The following ATXN10 variants were observed in gnomAD, a reference collection of about 807,000 sequenced individuals.
ATXN10 encodes the protein ataxin-10.
A neutral mutation model predicts 52.9 loss-of-function variants in ATXN10; 28 were observed. The ratio of observed to expected loss-of-function variants is 0.53; its 90% CI spans 0.39 to 0.73. The LOEUF is 0.73. ATXN10 is among the 30% of genes least tolerant of loss of function. The pLI is 0.00. For missense variants in ATXN10, 565 were observed against 577.0 expected (o/e 0.98, Z 0.21); for synonymous variants, 226 against 221.5 (o/e 1.02, Z -0.18).
At chr22:45,713,652 C>A (rs978570529) in intron 5 of ATXN10, among the ~76,000 whole-genome samples, 2 of 152,186 alleles carry the variant, frequency 1.3e-5, no homozygotes, top group Admixed American at 1.3e-4. Flanking sequence ...GCTTACATTA[C>A]ATACTGAATT....
rs73173396 is a variant in ATXN10, at chr22:45,784,591, G to A, written c.1174-22368G>A. 5.8e-3 allele frequency among the ~76,000 whole-genome samples: 884 copies of A among 152,232 alleles called. 5 individuals are homozygous for A. Among genetic ancestry groups the A allele is most frequent in the Admixed American group, 8.6e-3 (131 of 15,298 alleles). On this transcript the variant is annotated intron_variant, in intron 9 of 11. Coordinates refer to ENST00000252934, the MANE Select transcript of ATXN10 (RefSeq NM_013236.4). The surrounding 1 kb of genome is among the most constrained non-coding windows in gnomAD (Gnocchi z 4.2). ...GTCAGGAGGTGTGGATGGCAGGCAC[G>A]GGAGAAGGGACAGGAGGCTGGCTTC...
At position 45,733,616 on chromosome 22, in the gene ATXN10, ATCCCAGCTACTCGGGAGGCTG is replaced by A. The variant is rs1397945003; in HGVS notation, c.894+4046_894+4066del. 1.7e-4 allele frequency among the ~76,000 whole-genome samples: 26 copies of A among 151,994 alleles called. No individual in the cohort carries two copies. Among genetic ancestry groups the A allele is most frequent in the East Asian group, 3.9e-4 (2 of 5,174 alleles). On this transcript the variant is annotated intron_variant, in intron 7 of 11. Transcript: ENST00000252934. The surrounding 1 kb of genome is among the most constrained non-coding windows in gnomAD (Gnocchi z 4.4). Reference sequence around the variant, plus strand: ...CCGGGTGTGGTGGCGGATGCCTGTAATCCCAGCTACTCGGGAGGCTGTCCCAGCTACTCGGGAGGCGGAGGC... The same window carrying A: ...CCGGGTGTGGTGGCGGATGCCTGTAATCCCAGCTACTCGGGAGGCGGAGGC...
intron 6 of ATXN10, among the ~76,000 whole-genome samples, chr22:45,721,470 C>T (rs1050730017): frequency 8.5e-5 from 13 of 152,128 alleles, no homozygotes; most frequent in African/African-American, 2.4e-4. Flanking sequence ...TGGTCACCCC[C>T]GTAAACGTGT....
chr22:45,790,384 C>T lies in ATXN10; in HGVS notation c.1174-16575C>T, dbSNP rs1412939834. Among the ~76,000 whole-genome samples, 1 of 152,090 alleles carries T rather than the reference C, an allele frequency of 6.6e-6. No homozygotes were observed. Among genetic ancestry groups the T allele is most frequent in the Non-Finnish European group, 1.5e-5 (1 of 68,028 alleles). ...GATTATCAAAACATTGCCCCCCCGC[C>T]GCCCCACACATACACCAGAGTTAGA... On this transcript the variant is annotated intron_variant, in intron 9 of 11. Coordinates refer to ENST00000252934, the MANE Select transcript of ATXN10 (RefSeq NM_013236.4). The surrounding 1 kb of genome is among the most constrained non-coding windows in gnomAD (Gnocchi z 4.7).
intron 10 of ATXN10, among the ~76,000 whole-genome samples, chr22:45,813,170 T>C (rs1209834680): frequency 6.6e-6 from 1 of 152,196 alleles, no homozygotes; most frequent in Non-Finnish European, 1.5e-5. Flanking sequence ...CATCGGAAAA[T>C]TCCAGCTCCG....
Position 45,733,905 on chromosome 22 carries a change from C to T in ATXN10, c.894+4315C>T, listed in dbSNP as rs530251331. Among the ~76,000 whole-genome samples, 17 of 150,484 alleles carry T rather than the reference C, an allele frequency of 1.1e-4. No individual in the cohort carries two copies. The South Asian group carries it at 3.5e-3, about 31-fold the overall frequency. Reference sequence around the variant, plus strand: ...ATATGTTTTTTGTTTTCATTTTTTGCACTATTCTTCAACTTGCTGTTTTTA... The same window carrying T: ...ATATGTTTTTTGTTTTCATTTTTTGTACTATTCTTCAACTTGCTGTTTTTA... On this transcript the variant is annotated intron_variant, in intron 7 of 11. Coordinates refer to ENST00000252934, the MANE Select transcript of ATXN10 (RefSeq NM_013236.4). The surrounding 1 kb of genome is among the most constrained non-coding windows in gnomAD (Gnocchi z 4.4).
Position 45,700,186 on chromosome 22 carries a change from T to C in ATXN10, c.392-96T>C, listed in dbSNP as rs184206412. On this transcript the variant is annotated intron_variant, in intron 3 of 11. Transcript: ENST00000252934. ...ATTTTTAAAAGAAGCAAGCAGAAAC[T>C]TTCTGTTTAATAACATGGAGAATAT... 563 of 935,126 alleles carry C rather than the reference T, an allele frequency of 6.0e-4. 7 individuals are homozygous for C. The African/African-American group carries it at 8.5e-3, about 14-fold the overall frequency. The allele number at this position is 935,126 out of a possible 1,614,324, so 57.9% of individuals were successfully genotyped here.
At chr22:45,693,100 G>T in intron 3 of ATXN10, 22 bp downstream of exon 3, 2 of 1,594,370 alleles carry the variant, frequency 1.3e-6, no homozygotes, top group South Asian at 1.1e-5. Flanking sequence ...TATAATTCAT[G>T]GATTATTTAT....
intron 6 of ATXN10, among the ~76,000 whole-genome samples, chr22:45,723,928 G>A (rs1924762694): frequency 6.6e-6 from 1 of 151,652 alleles, no homozygotes; most frequent in African/African-American, 2.4e-5. Flanking sequence ...CTCCAGCCTA[G>A]GTGATAGAGT....
rs1373487153 is a variant in ATXN10 at position 45,766,939 on chromosome 22, T to C, written c.1173+26401T>C. On this transcript the variant is annotated intron_variant, in intron 9 of 11. Coordinates refer to ENST00000252934, the MANE Select transcript of ATXN10 (RefSeq NM_013236.4). The surrounding 1 kb of genome is among the most constrained non-coding windows in gnomAD (Gnocchi z 4.6). ...AAAAGAAAAATGCACATTAAACTACTCACTGAGATACCATTTTTCACCTGT... is the reference window on the plus strand; with the variant it reads ...AAAAGAAAAATGCACATTAAACTACCCACTGAGATACCATTTTTCACCTGT... Among the ~76,000 whole-genome samples, 1 of 152,206 alleles carries C rather than the reference T, an allele frequency of 6.6e-6. No individual in the cohort carries two copies. The highest frequency in any genetic ancestry group is 1.5e-5 in the Non-Finnish European group (1 of 68,048).
At chr22:45,794,049 G>A (rs1927618471) in intron 9 of ATXN10, among the ~76,000 whole-genome samples, 2 of 152,208 alleles carry the variant, frequency 1.3e-5, no homozygotes, top group African/African-American at 4.8e-5. Flanking sequence ...TAGGAAAAGG[G>A]TGGCAACTCT....
chr22:45,805,646 G>C lies in ATXN10; in HGVS notation c.1174-1313G>C, dbSNP rs1284823414. 1.3e-5 allele frequency among the ~76,000 whole-genome samples: 2 copies of C among 152,190 alleles called. No homozygotes were observed. The highest frequency in any genetic ancestry group is 4.8e-5 in the African/African-American group (2 of 41,456). On this transcript the variant is annotated intron_variant, in intron 9 of 11. Coordinates refer to ENST00000252934, the MANE Select transcript of ATXN10 (RefSeq NM_013236.4). The surrounding 1 kb of genome is among the most constrained non-coding windows in gnomAD (Gnocchi z 4.4). ...CCGTTATAGGAAATGTCCAGAATAG[G>C]CAAATCCAGAGAGACAGGAAGTAGA...
At position 45,718,757 on chromosome 22, in the gene ATXN10, C is replaced by T. The variant is rs980751246; in HGVS notation, c.728+264C>T. Among the ~76,000 whole-genome samples, 1 of 152,120 alleles carries T rather than the reference C, an allele frequency of 6.6e-6. No homozygotes were observed. The highest frequency in any genetic ancestry group is 2.4e-5 in the African/African-American group (1 of 41,416). On this transcript the variant is annotated intron_variant, in intron 6 of 11. Coordinates refer to ENST00000252934, the MANE Select transcript of ATXN10 (RefSeq NM_013236.4). This position sits in a 1 kb window ranked among gnomAD's most constrained non-coding sequence, Gnocchi z 4.4. ...AAAACATTAAGAACAAAATATTATGCATATGCCTGGATTTTAGAATAGTAA... is the reference window on the plus strand; with the variant it reads ...AAAACATTAAGAACAAAATATTATGTATATGCCTGGATTTTAGAATAGTAA...
chr22:45,751,836 A>G (rs9626195), intron 9 of ATXN10, among the ~76,000 whole-genome samples: 4,127 of 113,538 alleles, frequency 0.036, 199 homozygotes, highest in African/African-American at 0.13. Flanking sequence ...GATCTTTAGC[A>G]TATTTAGTTT....
rs753387188 is a variant in ATXN10 at position 45,806,992 on chromosome 22, G to T, written c.1207G>T (p.Asp403Tyr). 1.9e-6 allele frequency: 3 copies of T among 1,613,976 alleles called. No homozygotes were observed. The South Asian group carries it at 3.3e-5, about 18-fold the overall frequency. ...NELDGIPLILDNCNISDSNPF... is the reference protein window; with the variant it reads ...NELDGIPLILYNCNISDSNPF... ...GCTGGATGGTATCCCGTTGATCCTG[G>T]ACAACTGCAACATCAGTGACAGTAA... Residue 403 changes from aspartate (D) to tyrosine (Y), a missense_variant, in exon 10 of 12, where the codon GAC becomes TAC. Transcript: ENST00000252934.
chr22:45,844,872 CAT>C lies in ATXN10; in HGVS notation c.*1203_*1204del, dbSNP rs1185729979. The C allele has an allele frequency of 6.6e-6, 1 of 152,204 alleles. No individual in the cohort carries two copies. The highest frequency in any genetic ancestry group is 1.5e-5 in the Non-Finnish European group (1 of 68,038). The allele number at this position is 152,204 out of a possible 1,614,324, so 9.4% of individuals were successfully genotyped here. A position where few individuals can be genotyped will look rare whatever the true frequency, so the allele number is the denominator to read the frequency against. On this transcript the variant is annotated 3_prime_UTR_variant, in exon 12 of 12. Transcript: ENST00000252934. ...AAAGTGCTTCTAAGCTTTGTGTAGA[CAT>C]AGTTTAACTGATTTGTAAAAATAGC...
intron 3 of ATXN10, among the ~76,000 whole-genome samples, chr22:45,699,079 T>A (rs1923733339): frequency 6.6e-6 from 1 of 152,200 alleles, no homozygotes; most frequent in African/African-American, 2.4e-5. Context: ...ATTATGCCCA[T>A]CAAATTTTAT....
rs113207662 is a variant in ATXN10, at chr22:45,796,698, G to A, written c.1174-10261G>A. On this transcript the variant is annotated intron_variant, in intron 9 of 11. Coordinates refer to ENST00000252934, the MANE Select transcript of ATXN10 (RefSeq NM_013236.4). ...TTCCCCCGATAGATGGGGTTTCACC[G>A]TGTTGGTCAGACTGGTCTCGAACTC... Among the ~76,000 whole-genome samples the A allele has an allele frequency of 8.7e-3, 1,329 of 152,262 alleles. 11 individuals are homozygous for A. Among genetic ancestry groups the A allele is most frequent in the African/African-American group, 0.029 (1,223 of 41,546 alleles).
intron 9 of ATXN10, among the ~76,000 whole-genome samples, chr22:45,777,544 G>A (rs779819245): frequency 1.3e-5 from 2 of 152,168 alleles, no homozygotes; most frequent in Admixed American, 6.5e-5. Context: ...TCAGCCTCAC[G>A]TTTAACCAGG....
Sources: allele counts gnomAD v4.1 joint callset (sites outside exome capture counted in the v4.1 genomes callset), GRCh38; gene constraint gnomAD v4.1.1; non-coding constraint Gnocchi (gnomAD v3.1); transcripts MANE v1.5; gene names NCBI Gene and HGNC (gene_info 2026-07-23, HGNC 2026-07-21).